The following RORA variants were observed in gnomAD, a reference collection of about 807,000 sequenced individuals.
RORA encodes the protein nuclear receptor ROR-alpha.
In RORA, 7 loss-of-function variants were observed where a neutral mutation model predicts 69.5. The observed-to-expected ratio is 0.10, with a 90% CI of 0.06 to 0.19. The LOEUF is 0.19. Ranked by LOEUF, RORA falls within the 10% of genes least tolerant of loss-of-function variation. The pLI is 1.00. For missense variants in RORA, 457 were observed against 663.0 expected (o/e 0.69, Z 3.41); for synonymous variants, 261 against 240.8 (o/e 1.08, Z -0.78).
chr15:61,217,618 T>C (rs577327106), intron 1 of RORA, among the ~76,000 whole-genome samples: 76 of 152,200 alleles, frequency 5.0e-4, no homozygotes, highest in Non-Finnish European at 9.9e-4. Context: ...CACTCAAATA[T>C]AAGATCCAGA....
intron 1 of RORA, among the ~76,000 whole-genome samples, chr15:60,802,579 T>C (rs915781169): frequency 6.6e-6 from 1 of 152,180 alleles, no homozygotes; most frequent in Non-Finnish European, 1.5e-5. Context: ...TGTGTGTGTG[T>C]GTTTATGTGC....
intron 2 of RORA, among the ~76,000 whole-genome samples, chr15:60,654,947 G>T (rs566356226): frequency 6.6e-6 from 1 of 152,282 alleles, no homozygotes; most frequent in Non-Finnish European, 1.5e-5. Flanking sequence ...AACTTTAAGA[G>T]AATAGTTTTG....
chr15:60,598,591 T>C (rs1177838271), intron 2 of RORA: 1 of 152,262 alleles, frequency 6.6e-6, no homozygotes, highest in Non-Finnish European at 1.5e-5. Context: ...AAGAATACAA[T>C]ATATAATACA....
Position 60,501,173 on chromosome 15 carries a change from T to C in RORA, c.1184-104A>G, listed in dbSNP as rs1329533471. The C allele has an allele frequency of 5.9e-6, 4 of 682,010 alleles. No homozygotes were observed. The African/African-American group carries it at 7.2e-5, about 12-fold the overall frequency. 42.2% of individuals were successfully genotyped at this position (682,010 alleles called of 1,614,324 possible). ...AGGTTCTCCTAAGTCCAATAGAAGG[T>C]CTTAGGAGAAAAACATGGGGAAGGT... On this transcript the variant is annotated intron_variant, in intron 8 of 10. Transcript: ENST00000335670.
At chr15:61,120,057 T>G (rs1463096552) in intron 1 of RORA, among the ~76,000 whole-genome samples, 2 of 152,180 alleles carry the variant, frequency 1.3e-5, no homozygotes, top group Non-Finnish European at 2.9e-5. Context: ...GAAAAGCCAG[T>G]GTCAGATCTA....
At chr15:60,514,481 G>T (rs745433804) in intron 4 of RORA, 135 bp downstream of exon 4, 23 of 799,834 alleles carry the variant, frequency 2.9e-5, no homozygotes, top group Non-Finnish European at 4.3e-5. Flanking sequence ...TGCCAGAGGA[G>T]CATGGGGGGC....
chr15:60,940,412 GTATTA>G (rs1172489286), intron 1 of RORA, among the ~76,000 whole-genome samples: 1 of 152,140 alleles, frequency 6.6e-6, no homozygotes, highest in Non-Finnish European at 1.5e-5. Flanking sequence ...AAAAGAATAT[GTATTA>G]TATTATTGTA....
At position 60,825,325 on chromosome 15, in the gene RORA, G is replaced by A. The variant is rs1393444931; in HGVS notation, c.167-146639C>T. 2.5e-4 allele frequency among the ~76,000 whole-genome samples: 38 copies of A among 152,206 alleles called. 1 individual carries two copies. Among genetic ancestry groups the A allele is most frequent in the Admixed American group, 2.5e-3 (38 of 15,276 alleles). On this transcript the variant is annotated intron_variant, in intron 1 of 10. Transcript: ENST00000335670. ...AGGCATTAATGCAATTATCATACAGGAAAGTCAGGTTTGATAGGCAGAGCA... is the reference window on the plus strand; with the variant it reads ...AGGCATTAATGCAATTATCATACAGAAAAGTCAGGTTTGATAGGCAGAGCA...
At chr15:60,865,288 A>C (rs2140429307) in intron 1 of RORA, among the ~76,000 whole-genome samples, 1 of 152,298 alleles carries the variant, frequency 6.6e-6, no homozygotes, top group Non-Finnish European at 1.5e-5. Flanking sequence ...TCAAATGGAG[A>C]AGTTGGTCTA....
chr15:61,126,100 G>T (rs2140831278), intron 1 of RORA, among the ~76,000 whole-genome samples: 1 of 152,304 alleles, frequency 6.6e-6, no homozygotes, highest in African/African-American at 2.4e-5. Flanking sequence ...CTCCTCTGGG[G>T]CTACAAGGAA....
intron 1 of RORA, among the ~76,000 whole-genome samples, chr15:61,190,007 T>A (rs180705666): frequency 2.0e-5 from 3 of 152,028 alleles, no homozygotes; most frequent in African/African-American, 7.2e-5. Flanking sequence ...CCAGGTGAAA[T>A]TTTGCAATTT....
intron 1 of RORA, among the ~76,000 whole-genome samples, chr15:61,045,294 C>T (rs761801825): frequency 6.6e-6 from 1 of 152,198 alleles, no homozygotes; most frequent in Admixed American, 6.5e-5. Context: ...TAAGATGTGA[C>T]TTTGCTCCTC....
At chr15:60,617,457 G>T (rs752686628) in intron 2 of RORA, among the ~76,000 whole-genome samples, 1 of 152,152 alleles carries the variant, frequency 6.6e-6, no homozygotes, top group African/African-American at 2.4e-5. Flanking sequence ...GCAAAAGGCA[G>T]AACGTGACAG....
rs146937543 is a variant in RORA at position 60,991,669 on chromosome 15, G to A, written c.166+237384C>T. On this transcript the variant is annotated intron_variant, in intron 1 of 10. Coordinates refer to ENST00000335670, the MANE Select transcript of RORA (RefSeq NM_134261.3). The stretch of plus-strand genomic sequence containing the variant: ...TCCCAGCACTTTCGGAGGCTGAGGC[G>A]AGAGGATTGCTTGATCCCAGCAGTT... 4.3e-3 allele frequency among the ~76,000 whole-genome samples: 654 copies of A among 152,214 alleles called. 8 individuals carry two copies. The highest frequency in any genetic ancestry group is 0.015 in the African/African-American group (625 of 41,520).
At chr15:60,990,435 T>C (rs924726562) in intron 1 of RORA, among the ~76,000 whole-genome samples, 1 of 152,158 alleles carries the variant, frequency 6.6e-6, no homozygotes, top group Non-Finnish European at 1.5e-5. Flanking sequence ...TAGCAAGTTA[T>C]GAAAACAAAA....
chr15:61,113,911 G>A (rs2079028896), intron 1 of RORA, among the ~76,000 whole-genome samples: 1 of 152,116 alleles, frequency 6.6e-6, no homozygotes, highest in South Asian at 2.1e-4. Context: ...TGACAGCCAC[G>A]AATAGCTGTT....
chr15:60,626,984 A>T (rs2140641549), intron 2 of RORA, among the ~76,000 whole-genome samples: 1 of 152,168 alleles, frequency 6.6e-6, no homozygotes, highest in South Asian at 2.1e-4. Context: ...GACTTGAGAG[A>T]TCACCCTTCT....
At chr15:60,805,047 C>T (rs1368324353) in intron 1 of RORA, among the ~76,000 whole-genome samples, 26 of 152,136 alleles carry the variant, frequency 1.7e-4, no homozygotes, top group Admixed American at 1.7e-3. Context: ...TTGTTTAAGG[C>T]GTGAAAATTG....
intron 1 of RORA, among the ~76,000 whole-genome samples, chr15:61,150,642 T>C (rs1190024781): frequency 2.0e-5 from 3 of 152,222 alleles, no homozygotes; most frequent in African/African-American, 7.2e-5. Flanking sequence ...AGGTTTTCGC[T>C]GAAATGAGGC....
Sources: gnomAD v4.1 joint callset for allele counts (sites outside exome capture counted in the v4.1 genomes callset) on GRCh38, gnomAD v4.1.1 for gene constraint, MANE v1.5 for transcripts, NCBI Gene and HGNC (gene_info 2026-07-23, HGNC 2026-07-21) for gene names.